The following GJA5 variants were observed in gnomAD, a reference collection of about 807,000 sequenced individuals.
GJA5 encodes the protein gap junction protein alpha 5, also known as gap junction alpha-5 protein.
In GJA5, 3 loss-of-function variants were observed where a neutral mutation model predicts 7.9. That is an observed-to-expected ratio of 0.38 (90% confidence interval 0.17 to 0.99). The LOEUF is 0.99. GJA5 is among the 50% of genes least tolerant of loss of function. The probability of loss-of-function intolerance (pLI) is 0.38; values close to 1 mark genes in which losing one functional copy is unlikely to be tolerated. For missense variants in GJA5, 390 were observed against 457.9 expected (o/e 0.85, Z 1.35); for synonymous variants, 193 against 181.0 (o/e 1.07, Z -0.53).
Position 147,757,701 on chromosome 1 carries a change from A to T in GJA5, c.*461T>A. 1 of 198,162 alleles carries T rather than the reference A, an allele frequency of 5.0e-6. No homozygotes were observed. Among genetic ancestry groups the T allele is most frequent in the East Asian group, 1.2e-4 (1 of 8,542 alleles). The allele number at this position is 198,162 out of a possible 1,614,324, so 12.3% of individuals were successfully genotyped here. On this transcript the variant is annotated 3_prime_UTR_variant, in exon 2 of 2. Transcript: ENST00000579774. The stretch of plus-strand genomic sequence containing the variant: ...ACAGATTCAAGAGCACATATAATGC[A>T]AGTTCCTTGATTCATGCTGTCTATT...
Position 147,759,025 on chromosome 1 carries a change from T to G in GJA5, c.214A>C (p.Ile72Leu). Residue 72 changes from isoleucine (I) to leucine (L), a missense_variant, in exon 2 of 2, where the codon ATC becomes CTC. This residue lies in a region of GJA5 where 354 missense variants were observed against 370.9 expected (regional missense o/e 0.95). Coordinates refer to ENST00000579774, the MANE Select transcript of GJA5 (RefSeq NM_181703.4). ...QNVCYDQAFP[I>L]SHIRYWVLQI... Reference sequence around the variant, plus strand: ...AGCACCCAGTAGCGAATGTGGGAGATGGGGAAAGCCTGGTCGTAGCAGACA... The same window carrying G: ...AGCACCCAGTAGCGAATGTGGGAGAGGGGGAAAGCCTGGTCGTAGCAGACA... 1 of 1,614,140 alleles carries G rather than the reference T, an allele frequency of 6.2e-7. No homozygotes were observed.
At chr1:147,770,532 A>G (rs1305413193) in intron 1 of GJA5, among the ~76,000 whole-genome samples, 1 of 152,154 alleles carries the variant, frequency 6.6e-6, no homozygotes, top group Non-Finnish European at 1.5e-5. Context: ...AAAATATTTA[A>G]TCCTCATAAA....
upstream of GJA5, among the ~76,000 whole-genome samples, chr1:147,761,567 A>C (rs1055583881): frequency 6.6e-6 from 1 of 152,206 alleles, no homozygotes; most frequent in Non-Finnish European, 1.5e-5. Context: ...TCAAAGACCC[A>C]TGCAGGTCTT....
At chr1:147,768,955 G>A (rs151218809) in intron 1 of GJA5, among the ~76,000 whole-genome samples, 14 of 152,322 alleles carry the variant, frequency 9.2e-5, no homozygotes, top group East Asian at 7.7e-4. Flanking sequence ...TGATAAGCCC[G>A]TGCCCAGAAC....
Position 147,758,809 on chromosome 1 carries a change from C to G in GJA5, c.430G>C (p.Ala144Pro). The change falls in exon 2 of 2, where the codon GCC becomes CCC. Residue 144 changes from alanine (A) to proline (P), a missense_variant. Ala to Pro is a conservative substitution (Grantham distance 27, BLOSUM62 -1). Coordinates refer to ENST00000579774, the MANE Select transcript of GJA5 (RefSeq NM_181703.4). ...GTGTTGAGCAGAGTGCCCTGGAGGG[C>G]AATCCTTCCATTCCCTTCCTCCCAG... Reference protein sequence around the residue: ...SCWEEGNGRIALQGTLLNTYV... With the variant: ...SCWEEGNGRIPLQGTLLNTYV... 1 of 1,614,156 alleles carries G rather than the reference C, an allele frequency of 6.2e-7. No individual in the cohort carries two copies. Among genetic ancestry groups the G allele is most frequent in the South Asian group, 1.1e-5 (1 of 91,086 alleles).
At chr1:147,761,656 A>G (rs782579196), upstream of GJA5, among the ~76,000 whole-genome samples, 2 of 152,180 alleles carry the variant, frequency 1.3e-5, no homozygotes, top group Non-Finnish European at 2.9e-5. Context: ...TCAGCCTCCA[A>G]ATGTGGAAAA....
intron 1 of GJA5, among the ~76,000 whole-genome samples, chr1:147,771,830 G>A (rs1553229138): frequency 6.6e-6 from 1 of 152,172 alleles, no homozygotes; most frequent in African/African-American, 2.4e-5. Context: ...GACAGCCAGG[G>A]GAGCAGGCTC....
chr1:147,758,789 G>C lies in GJA5; in HGVS notation c.450C>G (p.Leu150=), dbSNP rs1553226985. ...NGRIALQGTL[L]NTYVCSILIR... is the part of the protein sequence containing the mutation. ...TCAGGATGCTGCACACATAGGTGTT[G>C]AGCAGAGTGCCCTGGAGGGCAATCC... The change falls in exon 2 of 2, where the codon CTC becomes CTG. Residue 150 remains leucine, a synonymous_variant. Transcript: ENST00000579774. 1.2e-6 allele frequency: 2 copies of C among 1,614,136 alleles called. No homozygotes were observed. The highest frequency in any genetic ancestry group is 4.5e-5 in the East Asian group (2 of 44,866).
intron 1 of GJA5, among the ~76,000 whole-genome samples, chr1:147,771,025 G>A (rs1664376120): frequency 6.6e-6 from 1 of 152,152 alleles, no homozygotes; most frequent in African/African-American, 2.4e-5. Flanking sequence ...CAGTAAGTGA[G>A]TCCTTCCCTA....
chr1:147,770,204 T>C (rs961239731), intron 1 of GJA5, among the ~76,000 whole-genome samples: 8 of 152,214 alleles, frequency 5.3e-5, no homozygotes, highest in African/African-American at 1.9e-4. Flanking sequence ...GAGAGGCTCT[T>C]TTCTGGTTCC....
upstream of GJA5, among the ~76,000 whole-genome samples, chr1:147,764,494 G>A (rs916404315): frequency 6.6e-6 from 1 of 152,104 alleles, no homozygotes; most frequent in Non-Finnish European, 1.5e-5. Context: ...GAGGTGCAAG[G>A]CCTGACACAC....
chr1:147,771,806 A>G (rs1664413043), intron 1 of GJA5, among the ~76,000 whole-genome samples: 2 of 152,144 alleles, frequency 1.3e-5, no homozygotes, highest in Non-Finnish European at 2.9e-5. Flanking sequence ...CTGAGTGAGG[A>G]AAAGGCTTGG....
rs1011222994 is a variant in GJA5 at position 147,758,593 on chromosome 1, C to T, written c.646G>A (p.Ala216Thr). 1 of 1,614,048 alleles carries T rather than the reference C, an allele frequency of 6.2e-7. No homozygotes were observed. The highest frequency in any genetic ancestry group is 1.1e-5 in the South Asian group (1 of 91,072). Residue 216 changes from alanine to threonine, a missense_variant, in exon 2 of 2, where the codon GCA becomes ACA. Transcript: ENST00000579774. ...VFIVFMLAVAALSLLLSLAEL... is the reference protein window; with the variant it reads ...VFIVFMLAVATLSLLLSLAEL... ...GCCAGGCTAAGGAGGAGGGACAGTG[C>T]AGCCACAGCCAGCATAAAGACAATG...
At chr1:147,764,801 G>A (rs1299181255), upstream of GJA5, among the ~76,000 whole-genome samples, 1 of 132,574 alleles carries the variant, frequency 7.5e-6, no homozygotes, top group Admixed American at 8.7e-5. Context: ...TCCAGCCTAG[G>A]CAACAGAGTG....
rs781925387 is a variant in GJA5 at position 147,758,334 on chromosome 1, C to T, written c.905G>A (p.Arg302Gln). 5 of 1,614,144 alleles carry T rather than the reference C, an allele frequency of 3.1e-6. No individual in the cohort carries two copies. The African/African-American group carries it at 5.3e-5, about 17-fold the overall frequency. ...TTCCCCAGGAGTCTGCTCCTGACCT[C>T]GTACTTGCTCGGTGACCAGGTTGTC... ...NTDNLVTEQV[R>Q]GQEQTPGEGF... is the part of the protein sequence containing the mutation. The change falls in exon 2 of 2, where the codon CGA becomes CAA. Residue 302 changes from arginine to glutamine, a missense_variant. Physicochemically the swap from Arg to Gln is conservative, Grantham distance 43. Around this residue, in one of 2 missense-constraint regions of GJA5, gnomAD observed 354 missense variants for 370.9 expected, o/e 0.95. Transcript: ENST00000579774.
intron 1 of GJA5, 27 bp from the exon 2 acceptor site, chr1:147,759,298 G>A: frequency 9.0e-7 from 1 of 1,112,988 alleles, no homozygotes; most frequent in Non-Finnish European, 1.4e-6. Flanking sequence ...GAGAAAGAGA[G>A]AAAAGAAGAA....
chr1:147,763,910 A>G (rs1664109882), upstream of GJA5, among the ~76,000 whole-genome samples: 3 of 152,120 alleles, frequency 2.0e-5, no homozygotes, highest in Admixed American at 2.0e-4. Context: ...CCCAGTTTCA[A>G]GCAATTCTCC....
upstream of GJA5, chr1:147,760,720 C>T (rs997680909): frequency 6.6e-6 from 1 of 152,248 alleles, no homozygotes. Context: ...TTGCCTGCCT[C>T]CCATTGGCAG....
chr1:147,761,733 T>C (rs1553227466), upstream of GJA5, among the ~76,000 whole-genome samples: 1 of 152,226 alleles, frequency 6.6e-6, no homozygotes, highest in Non-Finnish European at 1.5e-5. Context: ...TGTCCTCTCT[T>C]CTGGGCACAT....
Sources: allele counts gnomAD v4.1 joint callset (sites outside exome capture counted in the v4.1 genomes callset), GRCh38; gene constraint gnomAD v4.1.1; regional missense constraint gnomAD v4.1.1; transcripts MANE v1.5; gene names NCBI Gene and HGNC (gene_info 2026-07-23, HGNC 2026-07-21).